The following BANK1 variants were observed in gnomAD, a reference collection of about 807,000 sequenced individuals.
BANK1 encodes B-cell scaffold protein with ankyrin repeats.
In BANK1, 95 loss-of-function variants were observed where a neutral mutation model predicts 94.5. The ratio of observed to expected loss-of-function variants is 1.00; its 90% CI spans 0.85 to 1.19. The LOEUF is 1.19. BANK1 is among the 50% of genes most tolerant of loss of function. The probability of loss-of-function intolerance (pLI) is 0.00; values close to 1 mark genes in which losing one functional copy is unlikely to be tolerated. For missense variants in BANK1, 987 were observed against 932.2 expected (o/e 1.06, Z -0.77); for synonymous variants, 334 against 308.4 (o/e 1.08, Z -0.87).
At position 101,986,895 on chromosome 4, in the gene BANK1, G is replaced by GTATATATA. The variant is rs1253442320; in HGVS notation, c.1207-34618_1207-34617insATATATAT. On this transcript the variant is annotated intron_variant, in intron 7 of 16. Coordinates refer to ENST00000322953, the MANE Select transcript of BANK1 (RefSeq NM_017935.5). The stretch of plus-strand genomic sequence containing the variant: ...TGTATGTGTGTGTGTGTGTGTGTGT[G>GTATATATA]TGTGTATATATATATATATATATAT... 7.6e-4 allele frequency among the ~76,000 whole-genome samples: 49 copies of GTATATATA among 64,676 alleles called. 1 individual carries two copies. The highest frequency in any genetic ancestry group is 3.3e-3 in the African/African-American group (36 of 10,906). 42.4% of individuals were successfully genotyped at this position (64,676 alleles called of 152,430 possible).
intron 7 of BANK1, among the ~76,000 whole-genome samples, chr4:101,976,311 C>G (rs1001723820): frequency 2.0e-5 from 3 of 152,094 alleles, no homozygotes; most frequent in South Asian, 2.1e-4. Flanking sequence ...ATTTTCTAAA[C>G]TAATCTTCTA....
intron 7 of BANK1, among the ~76,000 whole-genome samples, chr4:101,937,459 C>G (rs1723606222): frequency 6.6e-6 from 1 of 151,888 alleles, no homozygotes; most frequent in African/African-American, 2.4e-5. Flanking sequence ...CAAAAGAAAA[C>G]ATTTATGTGG....
chr4:101,910,499 T>C (rs1367327119), intron 6 of BANK1, among the ~76,000 whole-genome samples: 2 of 151,838 alleles, frequency 1.3e-5, no homozygotes, highest in African/African-American at 4.8e-5. Flanking sequence ...CTGACCAACA[T>C]GGAGAAACCC....
intron 2 of BANK1, among the ~76,000 whole-genome samples, chr4:101,847,720 G>A (rs1727301964): frequency 6.8e-6 from 1 of 146,112 alleles, no homozygotes; most frequent in Non-Finnish European, 1.5e-5. Context: ...TTTTATGTCT[G>A]CGTAGTATTC....
intron 10 of BANK1, among the ~76,000 whole-genome samples, chr4:102,038,498 G>A (rs1305285532): frequency 2.6e-5 from 4 of 152,132 alleles, no homozygotes; most frequent in Non-Finnish European, 4.4e-5. Context: ...GAAGTCTCAT[G>A]GGAGGAGACT....
intron 7 of BANK1, among the ~76,000 whole-genome samples, chr4:101,986,404 A>G (rs2148929553): frequency 6.6e-6 from 1 of 152,202 alleles, no homozygotes; most frequent in South Asian, 2.1e-4. Flanking sequence ...CTCCCTCTTC[A>G]TGAAATAACA....
chr4:101,939,741 A>G (rs958948944), intron 7 of BANK1, among the ~76,000 whole-genome samples: 1 of 151,754 alleles, frequency 6.6e-6, no homozygotes, highest in Non-Finnish European at 1.5e-5. Context: ...CACAATTTGC[A>G]CATCAGCTTT....
chr4:102,020,790 C>A (rs1417086431), intron 7 of BANK1, among the ~76,000 whole-genome samples: 1 of 152,130 alleles, frequency 6.6e-6, no homozygotes, highest in Non-Finnish European at 1.5e-5. Flanking sequence ...CAAAACACAT[C>A]CTATGTGAAA....
chr4:101,801,230 TA>T (rs1246766703), intron 1 of BANK1, among the ~76,000 whole-genome samples: 1 of 152,198 alleles, frequency 6.6e-6, no homozygotes, highest in African/African-American at 2.4e-5. Context: ...AAATAGAATG[TA>T]AAATCTCTCA....
At chr4:101,888,009 A>G (rs1330984797) in intron 5 of BANK1, among the ~76,000 whole-genome samples, 1 of 152,176 alleles carries the variant, frequency 6.6e-6, no homozygotes, top group Non-Finnish European at 1.5e-5. Context: ...TTTTTTAAAG[A>G]TATGTAAACT....
chr4:101,916,533 G>T (rs986406349), intron 6 of BANK1, among the ~76,000 whole-genome samples: 1 of 151,832 alleles, frequency 6.6e-6, no homozygotes. Context: ...TGAAATCGTT[G>T]GTTTGATTAC....
intron 3 of BANK1, among the ~76,000 whole-genome samples, chr4:101,858,149 C>T (rs969091807): frequency 1.2e-4 from 18 of 152,292 alleles, no homozygotes; most frequent in East Asian, 5.8e-4. Flanking sequence ...TCCATTACAC[C>T]GGCAAACTCC....
At position 102,007,146 on chromosome 4, in the gene BANK1, T is replaced by TATATATATA. The variant is rs1560682317; in HGVS notation, c.1207-14368_1207-14367insATATATATA. 3.5e-3 allele frequency among the ~76,000 whole-genome samples: 132 copies of TATATATATA among 38,050 alleles called. 6 individuals are homozygous for TATATATATA. Among genetic ancestry groups the TATATATATA allele is most frequent in the Non-Finnish European group, 6.6e-3 (98 of 14,758 alleles). The allele number at this position is 38,050 out of a possible 152,430, so 25.0% of individuals were successfully genotyped here. A position where few individuals can be genotyped will look rare whatever the true frequency, so the allele number is the denominator to read the frequency against. ...TTTATATATATATAAAAAATATATT[T>TATATATATA]TATATATATATATATATATATATAA... On this transcript the variant is annotated intron_variant, in intron 7 of 16. Transcript: ENST00000322953.
At chr4:101,998,361 T>C (rs1278619529) in intron 7 of BANK1, among the ~76,000 whole-genome samples, 1 of 152,156 alleles carries the variant, frequency 6.6e-6, no homozygotes, top group Non-Finnish European at 1.5e-5. Context: ...TTAGAATAAG[T>C]GCGGTGTGGT....
At chr4:101,852,258 A>G (rs960865839) in intron 2 of BANK1, among the ~76,000 whole-genome samples, 6 of 151,732 alleles carry the variant, frequency 4.0e-5, no homozygotes, top group Non-Finnish European at 8.8e-5. Context: ...ACATGTTCTC[A>G]GTCTGCAATC....
chr4:101,958,281 C>T (rs1012281455), intron 7 of BANK1, among the ~76,000 whole-genome samples: 2 of 152,084 alleles, frequency 1.3e-5, no homozygotes, highest in East Asian at 3.8e-4. Context: ...ACTACCATCC[C>T]CATTTTATAG....
intron 7 of BANK1, among the ~76,000 whole-genome samples, chr4:101,971,335 A>G (rs995366375): frequency 1.3e-5 from 2 of 152,140 alleles, no homozygotes; most frequent in Non-Finnish European, 2.9e-5. Context: ...TATTTGGTGG[A>G]AATTCTGATA....
At chr4:101,865,273 C>T (rs2148878674) in intron 4 of BANK1, among the ~76,000 whole-genome samples, 1 of 152,186 alleles carries the variant, frequency 6.6e-6, no homozygotes, top group South Asian at 2.1e-4. Context: ...CCACTGGAGC[C>T]ACAAACTAGT....
chr4:101,795,828 A>C (rs576330041), intron 1 of BANK1, among the ~76,000 whole-genome samples: 93 of 152,310 alleles, frequency 6.1e-4, no homozygotes, highest in Admixed American at 1.2e-3. Flanking sequence ...CATGTAAATC[A>C]AGTAGAATGA....
Sources: allele counts gnomAD v4.1 joint callset (sites outside exome capture counted in the v4.1 genomes callset), GRCh38; gene constraint gnomAD v4.1.1; transcripts MANE v1.5; gene names NCBI Gene and HGNC (gene_info 2026-07-23, HGNC 2026-07-21).